Variants in C17orf75 observed in about 807,000 individuals in gnomAD.
The protein encoded by C17orf75 is chromosome 17 open reading frame 75.
In C17orf75, 32 loss-of-function variants were observed where a neutral mutation model predicts 49.6. The observed-to-expected ratio is 0.65, with a 90% CI of 0.49 to 0.87. C17orf75 has a LOEUF of 0.87. Ranked by LOEUF, C17orf75 falls within the 40% of genes least tolerant of loss-of-function variation. C17orf75 has a pLI of 0.00. For synonymous variants in C17orf75, 158 were observed against 159.5 expected (o/e 0.99, Z 0.07); for missense variants, 428 against 473.9 (o/e 0.90, Z 0.90).
chr17:32,336,771 A>AT (rs1229744632), intron 5 of C17orf75, among the ~76,000 whole-genome samples: 1 of 152,052 alleles, frequency 6.6e-6, no homozygotes, highest in East Asian at 1.9e-4. Flanking sequence ...AATAGATCGA[A>AT]TTTTTCATAG....
At chr17:32,340,834 C>G in intron 2 of C17orf75, 1 of 206,380 alleles carries the variant, frequency 4.8e-6, no homozygotes, top group Non-Finnish European at 1.0e-5. Flanking sequence ...GTCCCAGCTA[C>G]TGGGGAGGCT....
intron 2 of C17orf75, 54 bp from the exon 3 acceptor site, chr17:32,339,992 CATTA>C: frequency 1.3e-6 from 2 of 1,598,666 alleles, no homozygotes; most frequent in Non-Finnish European, 1.7e-6. Flanking sequence ...TATTCACACC[CATTA>C]AGTCAGACAG....
chr17:32,343,531 A>C, upstream of C17orf75: 1 of 319,890 alleles, frequency 3.1e-6, no homozygotes, highest in Admixed American at 4.8e-5. Context: ...CTCAGTCCTA[A>C]GCAATTATGG....
chr17:32,341,169 A>G (rs1294456477), intron 2 of C17orf75, 35 bp downstream of exon 2: 2 of 1,603,114 alleles, frequency 1.2e-6, no homozygotes, highest in South Asian at 1.1e-5. Context: ...GGAAGATGAA[A>G]GCACATGCAT....
rs1489405267 is a variant in C17orf75 at position 32,329,522 on chromosome 17, AAGACTATCATATAGAGCTGTGTAATGT to A, written c.*2214_*2240del. ...CATTAAAAAAAAAAAAAGATAAAAT[AAGACTATCATATAGAGCTGTGTAATGT>A]AGTGAGCCTACATTACAAAAATATA... On this transcript the variant is annotated 3_prime_UTR_variant, in exon 10 of 10. Transcript: ENST00000577809. The A allele has an allele frequency of 6.6e-6, 1 of 152,002 alleles. No individual in the cohort carries two copies. Among genetic ancestry groups the A allele is most frequent in the East Asian group, 1.9e-4 (1 of 5,188 alleles). 9.4% of individuals were successfully genotyped at this position (152,002 alleles called of 1,614,324 possible).
chr17:32,344,039 A>T, upstream of C17orf75: 1 of 671,360 alleles, frequency 1.5e-6, no homozygotes. Context: ...GGTGCATTGT[A>T]CTTGAATAGC....
Position 32,339,541 on chromosome 17 carries a change from C to T in C17orf75, c.347+272G>A, listed in dbSNP as rs939478555. 2.0e-5 allele frequency among the ~76,000 whole-genome samples: 3 copies of T among 151,718 alleles called. No individual in the cohort carries two copies. In the South Asian group the frequency reaches 6.2e-4, roughly 32 times the overall value. On this transcript the variant is annotated intron_variant, in intron 3 of 9. Transcript: ENST00000577809. ...GGTCAAGGCTGCAGTGAGCTGTAAT[C>T]GGGCCGCTGCACTCCAGCCTGGGCA... is the stretch of plus-strand genomic sequence containing the variant.
rs1555602365 is a variant in C17orf75 at position 32,348,867 on chromosome 17, C to CTTTTTTCTTTT, written c.-7+1074_-7+1075insAAAAGAAAAAA. Among the ~76,000 whole-genome samples the CTTTTTTCTTTT allele has an allele frequency of 3.5e-4, 38 of 108,860 alleles. 3 individuals carry two copies. Among genetic ancestry groups the CTTTTTTCTTTT allele is most frequent in the Non-Finnish European group, 6.2e-4 (35 of 56,476 alleles). The allele number at this position is 108,860 out of a possible 152,430, so 71.4% of individuals were successfully genotyped here. On this transcript the variant is annotated intron_variant, in intron 1 of 8. Coordinates refer to the C17orf75 transcript ENST00000583774. The stretch of plus-strand genomic sequence containing the variant: ...CAGCACCTTCACTGACAGCTCCAGT[C>CTTTTTTCTTTT]TTTTTTTTTTTTTTTTGAGACGGAG...
At chr17:32,349,884 T>G in intron 1 of C17orf75, 9 of 1,042,950 alleles carry the variant, frequency 8.6e-6, no homozygotes, top group Non-Finnish European at 1.0e-5. Context: ...CTAACTGCAC[T>G]GGCAATCTTT....
intron 3 of C17orf75, among the ~76,000 whole-genome samples, chr17:32,338,589 C>A (rs1231961713): frequency 6.6e-6 from 1 of 152,124 alleles, no homozygotes; most frequent in Non-Finnish European, 1.5e-5. Context: ...TTGAATTCTC[C>A]TGTCTTATGT....
intron 3 of C17orf75, among the ~76,000 whole-genome samples, chr17:32,338,732 A>AGGTGGCCTTATCCTTGGGT (rs2041350065): frequency 6.6e-6 from 1 of 152,184 alleles, no homozygotes; most frequent in Admixed American, 6.5e-5. Flanking sequence ...TATCCTTGGG[A>AGGTGGCCTTATCCTTGGGT]AGTGGCCTCA....
chr17:32,340,505 C>T (rs941424408), intron 2 of C17orf75, among the ~76,000 whole-genome samples: 7 of 151,798 alleles, frequency 4.6e-5, no homozygotes, highest in Admixed American at 2.0e-4. Flanking sequence ...ATTAGCCGGG[C>T]GTGGTGGTGG....
intron 4 of C17orf75, 83 bp downstream of exon 4, chr17:32,338,125 T>C: frequency 6.4e-7 from 1 of 1,571,634 alleles, no homozygotes; most frequent in Non-Finnish European, 8.6e-7. Flanking sequence ...TAGAAAAGCT[T>C]TTTGGAGGTT....
chr17:32,329,820 A>C lies in C17orf75; in HGVS notation c.*1943T>G, dbSNP rs1250097517. ...AGTCAGATTCAAGGACAGTGTCATAAAATTGCTGGTTTTCCTTAGTCACCC... is the reference window on the plus strand; with the variant it reads ...AGTCAGATTCAAGGACAGTGTCATACAATTGCTGGTTTTCCTTAGTCACCC... On this transcript the variant is annotated 3_prime_UTR_variant, in exon 10 of 10. Transcript: ENST00000577809. 1 of 152,152 alleles carries C rather than the reference A, an allele frequency of 6.6e-6. No homozygotes were observed. The highest frequency in any genetic ancestry group is 2.4e-5 in the African/African-American group (1 of 41,442). The allele number at this position is 152,152 out of a possible 1,614,324, so 9.4% of individuals were successfully genotyped here. A position where few individuals can be genotyped will look rare whatever the true frequency, so the allele number is the denominator to read the frequency against.
chr17:32,342,188 C>A, upstream of C17orf75: 1 of 1,479,142 alleles, frequency 6.8e-7, no homozygotes, highest in East Asian at 2.8e-5. Flanking sequence ...CGCTCCCCTG[C>A]TCCCGTGCAG....
Position 32,328,918 on chromosome 17 carries a change from AC to A in C17orf75, c.*2844del, listed in dbSNP as rs925612984. 4.7e-5 allele frequency: 7 copies of A among 147,586 alleles called. No homozygotes were observed. The highest frequency in any genetic ancestry group is 1.3e-4 in the Admixed American group (2 of 14,870). 9.1% of individuals were successfully genotyped at this position (147,586 alleles called of 1,614,324 possible). Reference sequence around the variant, plus strand: ...AAATAAAACAAAAACAAAAAAAAAAACAACTTTAAAAGCCAAGATAGTAGCT... The same window carrying A: ...AAATAAAACAAAAACAAAAAAAAAAAAACTTTAAAAGCCAAGATAGTAGCT... On this transcript the variant is annotated 3_prime_UTR_variant, in exon 10 of 10. Transcript: ENST00000577809.
upstream of C17orf75, chr17:32,343,458 A>C: frequency 4.4e-6 from 1 of 228,256 alleles, no homozygotes; most frequent in Non-Finnish European, 8.4e-6. Context: ...CAGATGGATA[A>C]CAGTTGAGAT....
Position 32,335,437 on chromosome 17 carries a change from C to A in C17orf75, c.555G>T (p.Arg185Ser), listed in dbSNP as rs1210860051. The change falls in exon 6 of 10, where the codon AGG (arginine) becomes AGT (serine). Residue 185 changes from arginine to serine, a missense_variant. Arg to Ser is a moderately radical substitution (Grantham distance 110). Coordinates refer to ENST00000577809, the MANE Select transcript of C17orf75 (RefSeq NM_022344.4). ...GLKNNMNCEA[R>S]GLESHIKSYL... ...AGGATTTTATGTGACTCTCCAGGCC[C>A]CTTGCCTAAATCAAGAAAGAACATC... 6.2e-7 allele frequency: 1 copy of A among 1,613,080 alleles called. No homozygotes were observed.
chr17:32,342,120 T>G lies in C17orf75; in HGVS notation c.20A>C (p.Glu7Ala). 6.2e-7 allele frequency: 1 copy of G among 1,601,408 alleles called. No individual in the cohort carries two copies. The highest frequency in any genetic ancestry group is 8.5e-7 in the Non-Finnish European group (1 of 1,174,684). MLPSLQ[E>A]SMDGDEKELE... ...TTCCTTTTCATCTCCATCCATCGAC[T>G]CCTGCAAAGAGGGGAGCATTGCGGC... The change falls in exon 1 of 10, where the codon GAG becomes GCG. Residue 7 changes from glutamate (E) to alanine (A), a missense_variant. By Grantham distance (107) the Glu-to-Ala change is moderately radical. Coordinates refer to ENST00000577809, the MANE Select transcript of C17orf75 (RefSeq NM_022344.4).
Sources: gnomAD v4.1 joint callset for allele counts (sites outside exome capture counted in the v4.1 genomes callset) on GRCh38, gnomAD v4.1.1 for gene constraint, MANE v1.5 for transcripts, NCBI Gene and HGNC (gene_info 2026-07-23, HGNC 2026-07-21) for gene names.